COX7B2: variants seen among roughly 807,000 people sequenced by gnomAD.
COX7B2 encodes cytochrome c oxidase subunit 7B2.
For missense variants in COX7B2, 109 were observed against 95.9 expected (o/e 1.14, Z -0.57); for synonymous variants, 37 against 32.1 (o/e 1.15, Z -0.51).
intron 2 of COX7B2, among the ~76,000 whole-genome samples, chr4:46,812,324 T>C (rs2109664956): frequency 6.6e-6 from 1 of 151,952 alleles, no homozygotes; most frequent in South Asian, 2.1e-4. Context: ...TGGATGTAGC[T>C]ATGGTTCTGA....
At chr4:46,842,279 C>T (rs1001983997) in intron 2 of COX7B2, among the ~76,000 whole-genome samples, 2 of 151,968 alleles carry the variant, frequency 1.3e-5, no homozygotes, top group African/African-American at 4.8e-5. Flanking sequence ...CTGAAGGTTG[C>T]TTTCCTCTAT....
At chr4:46,740,903 T>C (rs1056142156) in intron 2 of COX7B2, among the ~76,000 whole-genome samples, 3 of 152,136 alleles carry the variant, frequency 2.0e-5, no homozygotes, top group African/African-American at 7.2e-5. Context: ...ATATTGACAC[T>C]GTAGCTTGTT....
chr4:46,864,348 ATT>A (rs34007076), intron 1 of COX7B2, among the ~76,000 whole-genome samples: 1 of 147,144 alleles, frequency 6.8e-6, no homozygotes. Context: ...CACCCACGAC[ATT>A]TTTTTTTTTA....
At chr4:46,861,336 T>A (rs1274372828) in intron 1 of COX7B2, among the ~76,000 whole-genome samples, 1 of 152,150 alleles carries the variant, frequency 6.6e-6, no homozygotes, top group African/African-American at 2.4e-5. Context: ...GCAGCAACTG[T>A]GTACTGACTA....
chr4:46,765,598 A>G (rs1716485485), intron 2 of COX7B2, among the ~76,000 whole-genome samples: 1 of 151,984 alleles, frequency 6.6e-6, no homozygotes, highest in Non-Finnish European at 1.5e-5. Flanking sequence ...ACAATCCCCC[A>G]TGACCCCAGG....
At chr4:46,832,713 G>A (rs890219903) in intron 2 of COX7B2, among the ~76,000 whole-genome samples, 2 of 152,040 alleles carry the variant, frequency 1.3e-5, no homozygotes, top group African/African-American at 4.8e-5. Context: ...GAGGATTCTT[G>A]TTCAGTTAGT....
At chr4:46,880,015 G>A (rs1010740075) in intron 1 of COX7B2, among the ~76,000 whole-genome samples, 5 of 152,066 alleles carry the variant, frequency 3.3e-5, no homozygotes, top group African/African-American at 1.2e-4. Flanking sequence ...GTGAGAGAGG[G>A]CATCCTTGCC....
intron 1 of COX7B2, among the ~76,000 whole-genome samples, chr4:46,869,704 A>G (rs1457435586): frequency 1.3e-5 from 2 of 152,082 alleles, no homozygotes; most frequent in Non-Finnish European, 2.9e-5. Context: ...TAGGCCCCCA[A>G]ACTCTTCTGG....
intron 1 of COX7B2, among the ~76,000 whole-genome samples, chr4:46,865,676 A>C (rs1183858866): frequency 6.6e-6 from 1 of 152,138 alleles, no homozygotes; most frequent in Non-Finnish European, 1.5e-5. Context: ...GCCTCTGATA[A>C]TCCTGTTTGC....
chr4:46,747,100 T>G (rs983263196), intron 2 of COX7B2, among the ~76,000 whole-genome samples: 1 of 152,106 alleles, frequency 6.6e-6, no homozygotes, highest in African/African-American at 2.4e-5. Flanking sequence ...ACATTTGTTA[T>G]ACAAGTAAAC....
At chr4:46,812,399 T>G (rs995051411) in intron 2 of COX7B2, among the ~76,000 whole-genome samples, 6 of 150,634 alleles carry the variant, frequency 4.0e-5, no homozygotes, top group Admixed American at 6.6e-5. Context: ...CTACAGAGGC[T>G]CAGGCCCCAG....
chr4:46,896,374 C>T (rs17598809), intron 1 of COX7B2, among the ~76,000 whole-genome samples: 36,941 of 152,070 alleles, frequency 0.24, 4,693 homozygotes, highest in East Asian at 0.29. Context: ...TAGATGTACC[C>T]AGTGACAATT....
chr4:46,835,413 AC>A (rs1213719936), intron 2 of COX7B2, among the ~76,000 whole-genome samples: 3 of 152,018 alleles, frequency 2.0e-5, no homozygotes, highest in Non-Finnish European at 4.4e-5. Flanking sequence ...AGTAACTGTT[AC>A]GAGATACGCA....
At chr4:46,770,347 C>T (rs1577685145) in intron 2 of COX7B2, among the ~76,000 whole-genome samples, 2 of 152,094 alleles carry the variant, frequency 1.3e-5, no homozygotes, top group East Asian at 1.9e-4. Context: ...ACTGAAGACA[C>T]AAATAAATGA....
chr4:46,840,637 G>A lies in COX7B2; in HGVS notation c.-50+4323C>T, dbSNP rs76039881. Reference sequence around the variant, plus strand: ...GGCTTCATGGGACTTCTAATACAACGTCTTTATATTTTTCATTCAGCCTCT... The same window carrying A: ...GGCTTCATGGGACTTCTAATACAACATCTTTATATTTTTCATTCAGCCTCT... On this transcript the variant is annotated intron_variant, in intron 2 of 2. Transcript: ENST00000355591. Among the ~76,000 whole-genome samples the A allele has an allele frequency of 2.6e-3, 391 of 152,114 alleles. 2 individuals carry two copies. Among genetic ancestry groups the A allele is most frequent in the African/African-American group, 8.8e-3 (365 of 41,534 alleles).
At chr4:46,762,254 A>C (rs1188794809) in intron 2 of COX7B2, among the ~76,000 whole-genome samples, 1 of 138,194 alleles carries the variant, frequency 7.2e-6, no homozygotes, top group African/African-American at 2.8e-5. Context: ...TATATATTTA[A>C]TATATAATAT....
chr4:46,751,348 T>C (rs1425550776), intron 2 of COX7B2, among the ~76,000 whole-genome samples: 1 of 132,446 alleles, frequency 7.6e-6, no homozygotes, highest in Admixed American at 8.2e-5. Flanking sequence ...GTAGAGTGTA[T>C]ACATGTTATT....
In COX7B2 at chr4:46,837,067, T is replaced by A. The variant is rs1455327688; in HGVS notation, c.-50+7893A>T. On this transcript the variant is annotated intron_variant, in intron 2 of 2. Transcript: ENST00000355591. ...AATACAGCAGCATTTAATTGAGATA[T>A]GTTCATCTTAACATGTTAACTTCAG... Among the ~76,000 whole-genome samples the A allele has an allele frequency of 3.3e-5, 5 of 152,260 alleles. No homozygotes were observed. The East Asian group carries it at 7.7e-4, about 23-fold the overall frequency.
intron 2 of COX7B2, among the ~76,000 whole-genome samples, chr4:46,844,641 T>C (rs1577647619): frequency 1.3e-5 from 2 of 152,076 alleles, no homozygotes; most frequent in East Asian, 3.9e-4. Flanking sequence ...AAATGTTTGC[T>C]GGCAATACAC....
Sources: allele counts gnomAD v4.1 joint callset (sites outside exome capture counted in the v4.1 genomes callset), GRCh38; gene constraint gnomAD v4.1.1; transcripts MANE v1.5; gene names NCBI Gene and HGNC (gene_info 2026-07-23, HGNC 2026-07-21).